Variants in SPACA7 observed in about 807,000 individuals in gnomAD.
SPACA7 encodes sperm acrosome associated 7.
Under a neutral mutation model 26.3 loss-of-function variants are expected in SPACA7, and 19 were observed. The observed-to-expected ratio is 0.72, with a 90% CI of 0.50 to 1.06. The LOEUF (loss-of-function observed/expected upper bound fraction) is 1.06, where lower values mean the gene tolerates loss of function less well. Among genes scored for constraint, SPACA7 ranks in the 50% least tolerant of loss-of-function variants. The pLI is 0.00. For missense variants in SPACA7, 211 were observed against 229.9 expected (o/e 0.92, Z 0.53); for synonymous variants, 84 against 84.5 (o/e 0.99, Z 0.04).
intron 5 of SPACA7, among the ~76,000 whole-genome samples, chr13:112,407,802 G>A (rs901062716): frequency 6.6e-5 from 10 of 152,138 alleles, no homozygotes; most frequent in Admixed American, 4.6e-4. Flanking sequence ...AGGAGGAGCT[G>A]GTACCATTCC....
At position 112,393,014 on chromosome 13, in the gene SPACA7, C is replaced by G. The variant is rs772376709; in HGVS notation, c.95-7C>G. On this transcript the variant is annotated splice_region_variant and splice_polypyrimidine_tract_variant and intron_variant, in intron 1 of 6. Transcript: ENST00000283550. ...TGTTAAACTGTAGGGTTTTTATTTC[C>G]TTCTAGGTTCACCTACTGAAATACC... The G allele has an allele frequency of 1.2e-6, 2 of 1,608,890 alleles. No individual in the cohort carries two copies. The highest frequency in any genetic ancestry group is 2.2e-5 in the South Asian group (2 of 90,336).
chr13:112,399,270 G>T, intron 4 of SPACA7, 97 bp downstream of exon 4: 1 of 745,800 alleles, frequency 1.3e-6, no homozygotes, highest in Non-Finnish European at 2.4e-6. Flanking sequence ...CTTCCTGGAG[G>T]ATAAACCCTT....
intron 6 of SPACA7, among the ~76,000 whole-genome samples, chr13:112,433,821 G>C (rs1279831309): frequency 6.6e-6 from 1 of 152,176 alleles, no homozygotes. Context: ...AAAGGGCAGT[G>C]AGCGGTCGTT....
intron 5 of SPACA7, among the ~76,000 whole-genome samples, chr13:112,417,880 A>G (rs867062253): frequency 1.1e-4 from 16 of 152,194 alleles, no homozygotes; most frequent in Middle Eastern, 3.4e-3. Flanking sequence ...TAACTTTTAA[A>G]TTTTTATTAT....
Position 112,389,487 on chromosome 13 carries a change from C to A in SPACA7, c.95-3534C>A, listed in dbSNP as rs550185014. ...ACAGTCTCAAACTAGCTTTATATAT[C>A]AACCATCCTAGTAATGTAAACTTAA... On this transcript the variant is annotated intron_variant, in intron 1 of 6. Coordinates refer to ENST00000283550, the MANE Select transcript of SPACA7 (RefSeq NM_145248.5). 1.7e-3 allele frequency among the ~76,000 whole-genome samples: 259 copies of A among 152,334 alleles called. 2 individuals carry two copies. Among genetic ancestry groups the A allele is most frequent in the African/African-American group, 6.0e-3 (250 of 41,582 alleles).
intron 5 of SPACA7, among the ~76,000 whole-genome samples, chr13:112,430,423 C>T (rs1013638395): frequency 2.6e-5 from 4 of 152,192 alleles, no homozygotes; most frequent in Admixed American, 2.0e-4. Context: ...TGGGAAAGCA[C>T]TGTTTCATGT....
chr13:112,422,757 A>G (rs11841871), intron 5 of SPACA7, among the ~76,000 whole-genome samples: 3,126 of 152,314 alleles, frequency 0.021, 99 homozygotes, highest in African/African-American at 0.07. Context: ...ATTTAGAAAA[A>G]TGAAGTGCGT....
chr13:112,387,366 T>C (rs1240074467), intron 1 of SPACA7, among the ~76,000 whole-genome samples: 1 of 152,236 alleles, frequency 6.6e-6, no homozygotes, highest in African/African-American at 2.4e-5. Context: ...CTGACCAGCC[T>C]GCCAGTCTGG....
At chr13:112,414,342 C>A (rs1411892239) in intron 5 of SPACA7, among the ~76,000 whole-genome samples, 2 of 124,056 alleles carry the variant, frequency 1.6e-5, no homozygotes, top group African/African-American at 6.0e-5. Context: ...TTATTTCAAT[C>A]TTTCATTAAA....
intron 5 of SPACA7, among the ~76,000 whole-genome samples, chr13:112,430,843 A>T (rs1352718117): frequency 2.6e-5 from 4 of 152,240 alleles, no homozygotes; most frequent in African/African-American, 9.6e-5. Context: ...CAAACTAAAG[A>T]TAAAATGTTT....
At chr13:112,410,110 G>A (rs887937076) in intron 5 of SPACA7, among the ~76,000 whole-genome samples, 18 of 151,944 alleles carry the variant, frequency 1.2e-4, no homozygotes, top group Non-Finnish European at 1.5e-4. Flanking sequence ...TCAAACTATC[G>A]CAAGGACAAA....
intron 5 of SPACA7, among the ~76,000 whole-genome samples, chr13:112,419,253 A>C (rs1886874229): frequency 6.6e-6 from 1 of 152,236 alleles, no homozygotes; most frequent in Non-Finnish European, 1.5e-5. Flanking sequence ...GTGGGTAAGA[A>C]GTAACCACTG....
At chr13:112,431,469 T>C (rs1877130269) in intron 5 of SPACA7, among the ~76,000 whole-genome samples, 2 of 152,192 alleles carry the variant, frequency 1.3e-5, no homozygotes, top group East Asian at 1.9e-4. Flanking sequence ...ATAGGACATA[T>C]ATAAATTCAT....
intron 1 of SPACA7, among the ~76,000 whole-genome samples, chr13:112,385,985 G>T (rs1387671570): frequency 6.6e-6 from 1 of 152,096 alleles, no homozygotes; most frequent in Non-Finnish European, 1.5e-5. Context: ...AAACTTCTAG[G>T]GCCTAATAAG....
chr13:112,405,439 T>C (rs1885923995), intron 5 of SPACA7, among the ~76,000 whole-genome samples: 1 of 152,222 alleles, frequency 6.6e-6, no homozygotes, highest in Admixed American at 6.5e-5. Context: ...GTATTTCCCT[T>C]TTAACCAAAA....
intron 2 of SPACA7, among the ~76,000 whole-genome samples, chr13:112,396,873 C>A (rs1885301794): frequency 6.6e-6 from 1 of 152,188 alleles, no homozygotes; most frequent in Non-Finnish European, 1.5e-5. Context: ...AGGATGGTGT[C>A]CACAGTGCCA....
At chr13:112,393,919 G>C (rs1885063163) in intron 2 of SPACA7, among the ~76,000 whole-genome samples, 1 of 151,156 alleles carries the variant, frequency 6.6e-6, no homozygotes, top group Non-Finnish European at 1.5e-5. Context: ...CCTGGAGGCA[G>C]AGGTTGCAGT....
intron 4 of SPACA7, 121 bp downstream of exon 4, chr13:112,399,294 GCCCACTTC>G (rs1181678494): frequency 4.3e-6 from 3 of 694,566 alleles, no homozygotes; most frequent in Non-Finnish European, 7.8e-6. Flanking sequence ...GGGAGAATGT[GCCCACTTC>G]CCCTGGTTGG....
chr13:112,385,745 C>T (rs898350571), intron 1 of SPACA7, among the ~76,000 whole-genome samples: 24 of 152,138 alleles, frequency 1.6e-4, no homozygotes, highest in African/African-American at 5.1e-4. Context: ...TTACTGGTCA[C>T]GTGAACAAAA....
Sources: gnomAD v4.1 joint callset for allele counts (sites outside exome capture counted in the v4.1 genomes callset) on GRCh38, gnomAD v4.1.1 for gene constraint, MANE v1.5 for transcripts, NCBI Gene and HGNC (gene_info 2026-07-23, HGNC 2026-07-21) for gene names.